Variants in MYBL2 observed in about 807,000 individuals in gnomAD.
The protein encoded by MYBL2 is MYB proto-oncogene like 2, also known as myb-related protein B.
Under a neutral mutation model 79.9 loss-of-function variants are expected in MYBL2, and 28 were observed. The ratio of observed to expected loss-of-function variants is 0.35; its 90% confidence interval spans 0.26 to 0.48. The LOEUF (loss-of-function observed/expected upper bound fraction) is 0.48. MYBL2 is among the 20% of genes least tolerant of loss of function. The pLI is 0.99. For missense variants in MYBL2, 735 were observed against 893.9 expected, an observed-to-expected ratio of 0.82 and a Z score of 2.27; for synonymous variants, 378 against 361.2, an observed-to-expected ratio of 1.05 and a Z score of -0.53.
At chr20:43,712,354 C>G (rs372207082) in intron 11 of MYBL2, among the ~76,000 whole-genome samples, 1 of 152,142 alleles carries the variant, frequency 6.6e-6, no homozygotes, top group Non-Finnish European at 1.5e-5. Context: ...GGGACTTGCC[C>G]GAGCTGGCAC....
chr20:43,703,659 T>C (rs1196482155), intron 8 of MYBL2, among the ~76,000 whole-genome samples: 3 of 152,114 alleles, frequency 2.0e-5, no homozygotes, highest in African/African-American at 7.2e-5. Flanking sequence ...GGGCTTTGGC[T>C]CTCATTAGGT....
Position 43,716,044 on chromosome 20 carries a change from G to C in MYBL2, c.2060G>C (p.Arg687Pro). 1 of 1,610,636 alleles carries C rather than the reference G, an allele frequency of 6.2e-7. No homozygotes were observed. The highest frequency in any genetic ancestry group is 1.7e-5 in the Admixed American group (1 of 59,952). ...GAGAAAGCCCGGCAGCTCCTGGGCC[G>C]CCTGAAGCCCAGCCACACATCTCGG... ...MQEKARQLLGRLKPSHTSRTL... is the reference protein window; with the variant it reads ...MQEKARQLLGPLKPSHTSRTL... The change falls in exon 14 of 14, where the codon CGC becomes CCC. Residue 687 changes from arginine to proline, a missense_variant. Coordinates refer to ENST00000217026, the MANE Select transcript of MYBL2 (RefSeq NM_002466.4).
rs1600569116 is a variant in MYBL2 at position 43,715,180 on chromosome 20, T to G, written c.1871T>G (p.Ile624Ser). The G allele has an allele frequency of 6.2e-7, 1 of 1,614,238 alleles. No homozygotes were observed. Among genetic ancestry groups the G allele is most frequent in the East Asian group, 2.2e-5 (1 of 44,876 alleles). ...TCTTCCAGCCTCACCCTGTCAGGTA[T>G]CAAAGAAGACAACAGCTTGCTCAAC... ...SNSSSLTLSG[I>S]KEDNSLLNQG... Residue 624 changes from isoleucine (I) to serine (S), a missense_variant, in exon 13 of 14, where the codon ATC becomes AGC. Ile to Ser is a moderately radical substitution (Grantham distance 142). This residue lies in a region of MYBL2 where 204 missense variants were observed against 202.9 expected (regional missense o/e 1.01). Transcript: ENST00000217026.
In MYBL2 at chr20:43,702,894, G is replaced by C. The variant is rs1005184780; in HGVS notation, c.1356G>C (p.Ser452=). ...KSTPVKTLPF[S]PSQFLNFWNK... ...CACCTGTTAAGACCCTGCCCTTCTC[G>C]CCCTCCCAGGTGCGTGGACCCCACT... Residue 452 remains serine, a synonymous_variant, in exon 8 of 14, where the codon TCG becomes TCC. Transcript: ENST00000217026. 1.3e-6 allele frequency: 2 copies of C among 1,589,802 alleles called. No homozygotes were observed. The highest frequency in any genetic ancestry group is 2.7e-5 in the African/African-American group (2 of 74,580).
intron 8 of MYBL2, 145 bp from the exon 9 acceptor site, chr20:43,705,074 G>A: frequency 1.0e-6 from 1 of 997,976 alleles, no homozygotes; most frequent in Non-Finnish European, 1.4e-6. Context: ...GTTCTCGGGT[G>A]TCTGATGGGT....
chr20:43,686,223 A>G (rs2145717464), intron 4 of MYBL2, among the ~76,000 whole-genome samples: 1 of 152,306 alleles, frequency 6.6e-6, no homozygotes, highest in African/African-American at 2.4e-5. Context: ...GCACATGAGA[A>G]CGCGTGTGTC....
At chr20:43,681,669 C>A in intron 2 of MYBL2, 115 bp from the exon 3 acceptor site, 1 of 1,086,228 alleles carries the variant, frequency 9.2e-7, no homozygotes. Context: ...TACGTATTCA[C>A]TTCATGACGG....
chr20:43,677,137 C>T (rs1987030913), intron 2 of MYBL2, among the ~76,000 whole-genome samples: 1 of 152,176 alleles, frequency 6.6e-6, no homozygotes, highest in African/African-American at 2.4e-5. Context: ...CAAACCTTTT[C>T]TGCTCATCCT....
At chr20:43,711,649 G>A (rs753946314) in intron 11 of MYBL2, 48 bp downstream of exon 11, 43 of 1,533,278 alleles carry the variant, frequency 2.8e-5, no homozygotes, top group Non-Finnish European at 3.5e-5. Context: ...AATTGGAGCC[G>A]TGGCATGGGG....
At chr20:43,682,917 T>C in intron 4 of MYBL2, 31 bp downstream of exon 4, 4 of 1,593,720 alleles carry the variant, frequency 2.5e-6, no homozygotes, top group Non-Finnish European at 3.4e-6. Context: ...TTGCACACAG[T>C]GGGTCTTCAC....
Position 43,715,302 on chromosome 20 carries a change from T to G in MYBL2, c.1974+19T>G. 1 of 1,613,950 alleles carries G rather than the reference T, an allele frequency of 6.2e-7. No individual in the cohort carries two copies. The highest frequency in any genetic ancestry group is 2.2e-5 in the East Asian group (1 of 44,862). Reference sequence around the variant, plus strand: ...TGCCCCTGTGAGTGCTGTGGCCATCTCTGGGGGTCCTGCAGTGCCCGCCTT... The same window carrying G: ...TGCCCCTGTGAGTGCTGTGGCCATCGCTGGGGGTCCTGCAGTGCCCGCCTT... On this transcript the variant is annotated intron_variant, in intron 13 of 13. Transcript: ENST00000217026.
intron 2 of MYBL2, among the ~76,000 whole-genome samples, chr20:43,677,152 T>C (rs1014778362): frequency 6.6e-6 from 1 of 151,300 alleles, no homozygotes; most frequent in African/African-American, 2.4e-5. Context: ...CATCCTGTTG[T>C]GGACCAGGGA....
chr20:43,699,777 GC>G lies in MYBL2; in HGVS notation c.687del (p.Ser230ProfsTer6). ...TACAGGGAAGTCTTCTGACCAACTG[GC>G]CCTCCGTCCCTCCTACCATAAAGGA... is the stretch of plus-strand genomic sequence containing the variant. The part of the protein sequence containing the change: ...EGQGSLLTNW[P>X]SVPPTIKEEE... On this transcript the variant is annotated frameshift_variant, in exon 7 of 14. Coordinates refer to ENST00000217026, the MANE Select transcript of MYBL2 (RefSeq NM_002466.4). LOFTEE classifies it high-confidence loss of function. 1 of 1,614,082 alleles carries G rather than the reference GC, an allele frequency of 6.2e-7. No homozygotes were observed. Among genetic ancestry groups the G allele is most frequent in the Non-Finnish European group, 8.5e-7 (1 of 1,180,012 alleles).
chr20:43,698,661 ATTT>A (rs1188859456), intron 6 of MYBL2, among the ~76,000 whole-genome samples: 3,682 of 115,840 alleles, frequency 0.032, 180 homozygotes, highest in African/African-American at 0.11. Context: ...TACAGGCGTG[ATTT>A]TTTTTTTTTT....
chr20:43,703,145 G>A (rs1292214578), intron 8 of MYBL2, among the ~76,000 whole-genome samples: 1 of 152,208 alleles, frequency 6.6e-6, no homozygotes. Flanking sequence ...GGAGGAGAAG[G>A]AGGATGCTGG....
intron 6 of MYBL2, 120 bp from the exon 7 acceptor site, chr20:43,699,637 T>C: frequency 9.6e-7 from 1 of 1,045,802 alleles, no homozygotes; most frequent in Non-Finnish European, 1.4e-6. Flanking sequence ...CTGTAGAATG[T>C]TTCTCTATTT....
chr20:43,692,626 A>G (rs924207467), intron 6 of MYBL2, among the ~76,000 whole-genome samples: 1 of 152,168 alleles, frequency 6.6e-6, no homozygotes, highest in African/African-American at 2.4e-5. Flanking sequence ...AACTGAAAGC[A>G]TGTTTGCAAT....
intron 2 of MYBL2, among the ~76,000 whole-genome samples, chr20:43,678,212 T>G (rs200985019): frequency 6.6e-6 from 1 of 151,928 alleles, no homozygotes; most frequent in African/African-American, 2.4e-5. Context: ...GACCTTTGTT[T>G]ACTTGTTTAT....
intron 2 of MYBL2, among the ~76,000 whole-genome samples, chr20:43,674,785 G>A (rs1161899006): frequency 2.6e-5 from 4 of 152,052 alleles, no homozygotes; most frequent in Non-Finnish European, 5.9e-5. Context: ...ACCTGCCTCG[G>A]CCTCCCAAAG....
Sources: allele counts gnomAD v4.1 joint callset (sites outside exome capture counted in the v4.1 genomes callset), GRCh38; gene constraint gnomAD v4.1.1; regional missense constraint gnomAD v4.1.1; transcripts MANE v1.5; gene names NCBI Gene and HGNC (gene_info 2026-07-23, HGNC 2026-07-21).